Variants in SOX5 observed in about 807,000 individuals in gnomAD.
SOX5 encodes SRY-box transcription factor 5, also known as transcription factor SOX-5.
SOX5 carries 9 observed loss-of-function variants against 92.0 expected under a neutral mutation model. That is an observed-to-expected ratio of 0.10 (90% CI 0.06 to 0.17). SOX5 has a LOEUF of 0.17. SOX5 is among the 10% of genes least tolerant of loss of function. The pLI, the probability that SOX5 is intolerant of heterozygous loss-of-function variation, is 1.00. For synonymous variants in SOX5, 344 were observed against 336.3 expected (o/e 1.02, Z -0.25); for missense variants, 642 against 944.5 (o/e 0.68, Z 4.20).
chr12:24,016,332 A>G (rs1385329082), intron 4 of SOX5, among the ~76,000 whole-genome samples: 3 of 152,186 alleles, frequency 2.0e-5, no homozygotes, highest in African/African-American at 7.2e-5. Flanking sequence ...AAAAAAAACA[A>G]CCATACACAA....
At chr12:24,376,599 T>A (rs912685785) in intron 1 of SOX5, among the ~76,000 whole-genome samples, 1 of 151,658 alleles carries the variant, frequency 6.6e-6, no homozygotes, top group African/African-American at 2.4e-5. Flanking sequence ...CATTTAGATA[T>A]TTTATAGTAG....
At chr12:24,376,031 A>G (rs976593593) in intron 1 of SOX5, among the ~76,000 whole-genome samples, 10 of 152,196 alleles carry the variant, frequency 6.6e-5, no homozygotes, top group Non-Finnish European at 1.5e-4. Flanking sequence ...TCACTAAGAA[A>G]GATGACCACT....
chr12:23,554,650 T>C (rs561303595), intron 11 of SOX5, among the ~76,000 whole-genome samples: 6 of 152,116 alleles, frequency 3.9e-5, no homozygotes, highest in Non-Finnish European at 8.8e-5. Flanking sequence ...AGGTACAAAA[T>C]AAATATCAAT....
At chr12:24,331,897 T>TCA (rs1191417266) in intron 2 of SOX5, among the ~76,000 whole-genome samples, 1 of 70,816 alleles carries the variant, frequency 1.4e-5, no homozygotes, top group Non-Finnish European at 3.1e-5. Flanking sequence ...TAAAATACAA[T>TCA]CACTGAAAAA....
intron 2 of SOX5, among the ~76,000 whole-genome samples, chr12:23,872,913 T>C (rs1486420866): frequency 6.6e-6 from 1 of 152,182 alleles, no homozygotes; most frequent in Non-Finnish European, 1.5e-5. Flanking sequence ...ATCATCTTCA[T>C]ATTCAGTGAC....
chr12:24,185,164 T>C (rs1838949007), intron 4 of SOX5, among the ~76,000 whole-genome samples: 1 of 152,166 alleles, frequency 6.6e-6, no homozygotes, highest in Admixed American at 6.6e-5. Flanking sequence ...CTTACACAGA[T>C]ATATTACCAT....
At chr12:24,391,377 T>C (rs1320227841) in intron 1 of SOX5, among the ~76,000 whole-genome samples, 3 of 152,174 alleles carry the variant, frequency 2.0e-5, no homozygotes, top group Admixed American at 1.3e-4. Flanking sequence ...TGAGATAAAA[T>C]GGGTAAAAGT....
intron 1 of SOX5, among the ~76,000 whole-genome samples, chr12:23,949,175 G>C (rs1945126720): frequency 6.6e-6 from 1 of 152,108 alleles, no homozygotes; most frequent in Admixed American, 6.5e-5. Context: ...AATTACATGA[G>C]ACAGAGATGC....
intron 3 of SOX5, among the ~76,000 whole-genome samples, chr12:23,838,187 T>C (rs2096459455): frequency 6.9e-6 from 1 of 144,488 alleles, no homozygotes; most frequent in South Asian, 2.1e-4. Flanking sequence ...CATATATTTA[T>C]ATTTATATTA....
intron 3 of SOX5, among the ~76,000 whole-genome samples, chr12:23,836,953 G>A (rs774916430): frequency 6.6e-6 from 1 of 151,396 alleles, no homozygotes; most frequent in Non-Finnish European, 1.5e-5. Context: ...TAGAGTATAA[G>A]TTTTTTAGTT....
At chr12:24,429,345 A>G (rs1051769121) in intron 1 of SOX5, among the ~76,000 whole-genome samples, 4 of 151,930 alleles carry the variant, frequency 2.6e-5, no homozygotes, top group African/African-American at 4.8e-5. Flanking sequence ...AAAAACAAAA[A>G]CAAAACAACA....
intron 4 of SOX5, among the ~76,000 whole-genome samples, chr12:23,993,966 T>C (rs985755957): frequency 2.0e-5 from 3 of 151,990 alleles, no homozygotes; most frequent in African/African-American, 7.2e-5. Context: ...AATAAATAAA[T>C]AGCTGGGTGT....
At chr12:24,037,774 A>G (rs1956186244) in intron 4 of SOX5, among the ~76,000 whole-genome samples, 1 of 152,202 alleles carries the variant, frequency 6.6e-6, no homozygotes, top group Non-Finnish European at 1.5e-5. Context: ...CATTTTTACT[A>G]AAATATTTGC....
chr12:24,352,423 C>T (rs1316419151), intron 2 of SOX5, among the ~76,000 whole-genome samples: 6 of 152,070 alleles, frequency 3.9e-5, no homozygotes, highest in Admixed American at 3.3e-4. Flanking sequence ...GTCACAACAG[C>T]GGGGTCCCAC....
chr12:24,463,054 C>CA (rs1015219046), intron 1 of SOX5, among the ~76,000 whole-genome samples: 2 of 151,892 alleles, frequency 1.3e-5, no homozygotes, highest in African/African-American at 4.8e-5. Flanking sequence ...TCTGTCTCTA[C>CA]AAAAAAATTT....
Position 24,485,428 on chromosome 12 carries a change from G to A in SOX5, c.-251+76901C>T, listed in dbSNP as rs930413160. ...ATTGTCCAAACAAATTGTGAAAAAC[G>A]AATTGTTCAAGAGTTAAAAAACATT... is the stretch of plus-strand genomic sequence containing the variant. On this transcript the variant is annotated intron_variant, in intron 1 of 4. Coordinates refer to the SOX5 transcript ENST00000446891. Among the ~76,000 whole-genome samples, 7 of 152,224 alleles carry A rather than the reference G, an allele frequency of 4.6e-5. No homozygotes were observed. The South Asian group carries it at 1.0e-3, about 23-fold the overall frequency.
chr12:24,478,833 A>G (rs1402694599), intron 1 of SOX5, among the ~76,000 whole-genome samples: 1 of 152,164 alleles, frequency 6.6e-6, no homozygotes, highest in East Asian at 1.9e-4. Context: ...TCTCCATTTA[A>G]TTCTACTTAT....
intron 3 of SOX5, among the ~76,000 whole-genome samples, chr12:23,791,160 T>C (rs531392596): frequency 1.3e-5 from 2 of 152,326 alleles, no homozygotes; most frequent in East Asian, 3.9e-4. Flanking sequence ...GTGTAGAAGA[T>C]GACAGGACTC....
In SOX5 at chr12:23,859,189, G is replaced by A. The variant is rs527608917; in HGVS notation, c.271-12996C>T. Among the ~76,000 whole-genome samples the A allele has an allele frequency of 8.5e-5, 13 of 152,200 alleles. No individual in the cohort carries two copies. The East Asian group carries it at 1.2e-3, about 14-fold the overall frequency. ...ATAAGGTCTGGCTGCCTGTGGGGTC[G>A]GGCAGAATACAGCCATATTTTTCAT... On this transcript the variant is annotated intron_variant, in intron 2 of 14. Transcript: ENST00000451604.
Sources: gnomAD v4.1 joint callset for allele counts (sites outside exome capture counted in the v4.1 genomes callset) on GRCh38, gnomAD v4.1.1 for gene constraint, MANE v1.5 for transcripts, NCBI Gene and HGNC (gene_info 2026-07-23, HGNC 2026-07-21) for gene names.